Variants in ZNF423 observed in about 807,000 individuals in gnomAD.
ZNF423 encodes the protein zinc finger protein 423.
In ZNF423, 12 loss-of-function variants were observed where a neutral mutation model predicts 95.8. The observed-to-expected ratio is 0.13, with a 90% CI of 0.08 to 0.20. The LOEUF is 0.20. ZNF423 is among the 10% of genes least tolerant of loss of function. The pLI, the probability that ZNF423 is intolerant of heterozygous loss-of-function variation, is 1.00. For missense variants in ZNF423, 1,316 were observed against 1,737.1 expected (o/e 0.76, Z 4.31); for synonymous variants, 749 against 711.9 (o/e 1.05, Z -0.83).
At chr16:49,847,368 C>A (rs1006937695) in intron 1 of ZNF423, 28 of 152,440 alleles carry the variant, frequency 1.8e-4, no homozygotes, top group African/African-American at 6.5e-4. Flanking sequence ...ATAGGGGCCA[C>A]AAGGGATCTG....
At chr16:49,612,870 T>A (rs1971770772) in intron 5 of ZNF423, among the ~76,000 whole-genome samples, 1 of 152,098 alleles carries the variant, frequency 6.6e-6, no homozygotes, top group African/African-American at 2.4e-5. Context: ...TGTATTTCTA[T>A]ATACTAGCAA....
intron 6 of ZNF423, among the ~76,000 whole-genome samples, 189 bp from the exon 7 acceptor site, chr16:49,523,928 C>T (rs1968504099): frequency 6.6e-6 from 1 of 152,198 alleles, no homozygotes; most frequent in Non-Finnish European, 1.5e-5. Context: ...AGCTCCGGTA[C>T]TTAGTGGCTG....
At chr16:49,578,172 C>T (rs748090) in intron 5 of ZNF423, among the ~76,000 whole-genome samples, 41,624 of 152,050 alleles carry the variant, frequency 0.27, 5,965 homozygotes, top group Middle Eastern at 0.37. Context: ...CAAGACAGGA[C>T]GGGAATCTGA....
In ZNF423 at chr16:49,763,963, C is replaced by T. The variant is rs13336163; in HGVS notation, c.100+25524G>A. Among the ~76,000 whole-genome samples, 971 of 152,294 alleles carry T rather than the reference C, an allele frequency of 6.4e-3. 14 individuals are homozygous for T. Among genetic ancestry groups the T allele is most frequent in the African/African-American group, 0.022 (932 of 41,560 alleles). On this transcript the variant is annotated intron_variant, in intron 2 of 7. Coordinates refer to ENST00000563137, the MANE Select transcript of ZNF423 (RefSeq NM_001379286.1). ...CAGCGGAGAGCTACCTCTCCTCTGA[C>T]GGACCTTTGTGCAGAAAGTCTCACG...
intron 5 of ZNF423, among the ~76,000 whole-genome samples, chr16:49,528,932 CAAGA>C (rs1331902782): frequency 6.6e-6 from 1 of 152,064 alleles, no homozygotes; most frequent in Admixed American, 6.5e-5. Flanking sequence ...CGTTCCACCC[CAAGA>C]TGCAGGGTCC....
chr16:49,505,780 T>G (rs919946685), intron 7 of ZNF423, among the ~76,000 whole-genome samples: 2 of 152,162 alleles, frequency 1.3e-5, no homozygotes, highest in African/African-American at 4.8e-5. Context: ...GGCTGCCCAC[T>G]CTTTGGAAGC....
At chr16:49,749,488 A>C (rs1007868508) in intron 2 of ZNF423, among the ~76,000 whole-genome samples, 3 of 152,260 alleles carry the variant, frequency 2.0e-5, no homozygotes, top group Non-Finnish European at 4.4e-5. Flanking sequence ...GAAAAGTATA[A>C]AGAAAAATAG....
At chr16:49,818,270 C>T (rs2034887436) in intron 1 of ZNF423, among the ~76,000 whole-genome samples, 3 of 151,706 alleles carry the variant, frequency 2.0e-5, no homozygotes, top group Admixed American at 6.6e-5. Flanking sequence ...CTCAGATGCC[C>T]GGGCGCCCAC....
intron 5 of ZNF423, among the ~76,000 whole-genome samples, chr16:49,549,506 G>C (rs542075537): frequency 1.1e-4 from 17 of 152,310 alleles, no homozygotes; most frequent in African/African-American, 3.8e-4. Flanking sequence ...AGGCACAGCA[G>C]ACCCATTTCC....
chr16:49,562,327 T>G (rs1231125239), intron 5 of ZNF423, among the ~76,000 whole-genome samples: 1 of 152,180 alleles, frequency 6.6e-6, no homozygotes, highest in African/African-American at 2.4e-5. Context: ...TTAAACAAAT[T>G]AACTCTCTGA....
intron 5 of ZNF423, among the ~76,000 whole-genome samples, chr16:49,542,695 G>A (rs1209676005): frequency 1.3e-5 from 2 of 152,194 alleles, no homozygotes; most frequent in African/African-American, 2.4e-5. Context: ...TTGTCTGGCT[G>A]GGTGCAGGCT....
intron 5 of ZNF423, among the ~76,000 whole-genome samples, chr16:49,621,603 G>A (rs78420514): frequency 0.026 from 3,888 of 152,280 alleles, 160 homozygotes; most frequent in African/African-American, 0.087. Context: ...AGGCTGCAGA[G>A]CTGAACAGGG....
chr16:49,518,809 C>T (rs1968266150), intron 7 of ZNF423, among the ~76,000 whole-genome samples: 3 of 152,234 alleles, frequency 2.0e-5, no homozygotes, highest in African/African-American at 4.8e-5. Context: ...AATCCCAACA[C>T]TCTGGGAAGC....
At chr16:49,544,109 C>T (rs1053799568) in intron 5 of ZNF423, among the ~76,000 whole-genome samples, 2 of 152,198 alleles carry the variant, frequency 1.3e-5, no homozygotes, top group African/African-American at 4.8e-5. Context: ...TCTGTTTATT[C>T]AACAAATGCC....
intron 1 of ZNF423, among the ~76,000 whole-genome samples, chr16:49,794,634 C>A (rs764228217): frequency 9.2e-5 from 14 of 152,224 alleles, no homozygotes; most frequent in Non-Finnish European, 1.9e-4. Context: ...GGCCAGGCTG[C>A]AGCTGCCCAC....
chr16:49,574,080 G>A (rs1318443765), intron 5 of ZNF423, among the ~76,000 whole-genome samples: 1 of 152,190 alleles, frequency 6.6e-6, no homozygotes. Context: ...CAGCTGGAGA[G>A]TCTTTTAAAA....
chr16:49,567,261 G>A (rs1970223048), intron 5 of ZNF423, among the ~76,000 whole-genome samples: 1 of 152,170 alleles, frequency 6.6e-6, no homozygotes, highest in South Asian at 2.1e-4. Flanking sequence ...AGCTTTAGCT[G>A]GCTTTGATGT....
At chr16:49,525,289 G>T in intron 6 of ZNF423, 74 bp downstream of exon 6, 1 of 1,580,412 alleles carries the variant, frequency 6.3e-7, no homozygotes, top group South Asian at 1.2e-5. Context: ...AGCACACACT[G>T]GGATCCCGCA....
intron 3 of ZNF423, among the ~76,000 whole-genome samples, chr16:49,689,837 G>C (rs1197322731): frequency 1.3e-5 from 2 of 152,206 alleles, no homozygotes; most frequent in Admixed American, 1.3e-4. Context: ...AACCAAGGCA[G>C]TCCTCCCTCA....
Sources: gnomAD v4.1 joint callset for allele counts (sites outside exome capture counted in the v4.1 genomes callset) on GRCh38, gnomAD v4.1.1 for gene constraint, MANE v1.5 for transcripts, NCBI Gene and HGNC (gene_info 2026-07-23, HGNC 2026-07-21) for gene names.